HS3ST4: variants seen among roughly 807,000 people sequenced by gnomAD.
HS3ST4 encodes heparan sulfate glucosamine 3-O-sulfotransferase 4.
HS3ST4 carries 17 observed loss-of-function variants against 29.2 expected under a neutral mutation model. That is an observed-to-expected ratio of 0.58 (90% CI 0.40 to 0.87). HS3ST4 has a LOEUF of 0.87. HS3ST4 is among the 40% of genes least tolerant of loss of function. HS3ST4 has a pLI of 0.00. For missense variants in HS3ST4, 627 were observed against 634.5 expected (o/e 0.99, Z 0.13); for synonymous variants, 314 against 285.7 (o/e 1.10, Z -1.00).
chr16:26,128,879 C>T (rs980413926), intron 1 of HS3ST4, among the ~76,000 whole-genome samples: 3 of 152,180 alleles, frequency 2.0e-5, no homozygotes, highest in Non-Finnish European at 4.4e-5. Flanking sequence ...CCCTGCTTCA[C>T]CCCATGCCCT....
chr16:25,866,900 T>C (rs922644010), intron 1 of HS3ST4, among the ~76,000 whole-genome samples: 12 of 152,178 alleles, frequency 7.9e-5, no homozygotes, highest in African/African-American at 2.9e-4. Flanking sequence ...GGTTTATTCT[T>C]CCATGTACTG....
intron 1 of HS3ST4, among the ~76,000 whole-genome samples, chr16:26,084,445 G>T (rs950445437): frequency 7.9e-5 from 12 of 152,056 alleles, no homozygotes; most frequent in African/African-American, 2.9e-4. Flanking sequence ...TTTTCTTTCT[G>T]AATGCAAGTC....
intron 1 of HS3ST4, among the ~76,000 whole-genome samples, chr16:25,948,664 C>T (rs966416054): frequency 2.6e-5 from 4 of 152,088 alleles, no homozygotes; most frequent in African/African-American, 4.8e-5. Flanking sequence ...CCAGGCATTC[C>T]GTAAATGTTC....
intron 1 of HS3ST4, among the ~76,000 whole-genome samples, chr16:25,938,593 TA>T (rs929441358): frequency 1.5e-3 from 215 of 143,846 alleles, no homozygotes; most frequent in South Asian, 3.5e-3. Context: ...TCTATGGTAT[TA>T]AAAAAAAAAA....
intron 1 of HS3ST4, among the ~76,000 whole-genome samples, chr16:25,724,904 G>A (rs1001213201): frequency 4.3e-5 from 6 of 138,246 alleles, no homozygotes; most frequent in Non-Finnish European, 3.2e-5. Context: ...TGAAAACCTC[G>A]TCAAGTTTTT....
intron 1 of HS3ST4, chr16:25,887,064 C>T (rs1967961235): frequency 6.6e-6 from 1 of 151,776 alleles, no homozygotes; most frequent in Admixed American, 6.6e-5. Flanking sequence ...GATATACAGA[C>T]TAAAGGAGAG....
intron 1 of HS3ST4, among the ~76,000 whole-genome samples, chr16:25,787,990 C>T (rs1966860118): frequency 6.6e-6 from 1 of 152,108 alleles, no homozygotes; most frequent in Admixed American, 6.5e-5. Flanking sequence ...TGGCCTTGGA[C>T]ATTTGAACAG....
intron 1 of HS3ST4, among the ~76,000 whole-genome samples, chr16:26,105,416 G>T (rs948114141): frequency 1.1e-4 from 16 of 152,098 alleles, no homozygotes; most frequent in African/African-American, 3.9e-4. Flanking sequence ...CTGGGTGATT[G>T]GTTTATTCAT....
At chr16:26,012,950 G>T (rs1969324636) in intron 1 of HS3ST4, among the ~76,000 whole-genome samples, 1 of 152,066 alleles carries the variant, frequency 6.6e-6, no homozygotes, top group African/African-American at 2.4e-5. Flanking sequence ...AGATCACGAG[G>T]TCAAGAGATT....
Position 25,738,334 on chromosome 16 carries a change from C to G in HS3ST4, c.734+45183C>G, listed in dbSNP as rs528963994. Among the ~76,000 whole-genome samples, 12 of 152,314 alleles carry G rather than the reference C, an allele frequency of 7.9e-5. No individual in the cohort carries two copies. The South Asian group carries it at 2.5e-3, about 32-fold the overall frequency. On this transcript the variant is annotated intron_variant, in intron 1 of 1. Transcript: ENST00000331351. Reference sequence around the variant, plus strand: ...ATCAGCGCAGCTCTTACCTCTTTCCCCATCACTCCTTACATGCCAGGCACC... The same window carrying G: ...ATCAGCGCAGCTCTTACCTCTTTCCGCATCACTCCTTACATGCCAGGCACC...
At chr16:26,027,692 A>G (rs1431965913) in intron 1 of HS3ST4, among the ~76,000 whole-genome samples, 2 of 152,254 alleles carry the variant, frequency 1.3e-5, no homozygotes, top group Non-Finnish European at 2.9e-5. Context: ...CATGAAGCAC[A>G]TTATAAATAT....
At chr16:26,110,212 C>A (rs1447967418) in intron 1 of HS3ST4, among the ~76,000 whole-genome samples, 1 of 152,172 alleles carries the variant, frequency 6.6e-6, no homozygotes, top group Non-Finnish European at 1.5e-5. Flanking sequence ...CATGCTGTTA[C>A]AATGACAAGA....
chr16:25,917,527 C>T (rs1370377011), intron 1 of HS3ST4, among the ~76,000 whole-genome samples: 1 of 152,174 alleles, frequency 6.6e-6, no homozygotes, highest in Non-Finnish European at 1.5e-5. Context: ...TCTTTCTAAA[C>T]AGACCAGGAT....
chr16:26,080,756 A>G (rs1338518467), intron 1 of HS3ST4, among the ~76,000 whole-genome samples: 1 of 152,136 alleles, frequency 6.6e-6, no homozygotes, highest in Non-Finnish European at 1.5e-5. Flanking sequence ...TCCATTTTGC[A>G]TAAACCCAAC....
chr16:25,953,577 T>G (rs57722088), intron 1 of HS3ST4, among the ~76,000 whole-genome samples: 2,967 of 152,298 alleles, frequency 0.019, 81 homozygotes, highest in African/African-American at 0.067. Context: ...TTTCATTGCT[T>G]TCTCTGTCCT....
At position 26,072,553 on chromosome 16, in the gene HS3ST4, A is replaced by G. The variant is rs186523997; in HGVS notation, c.735-63059A>G. On this transcript the variant is annotated intron_variant, in intron 1 of 1. Coordinates refer to ENST00000331351, the MANE Select transcript of HS3ST4 (RefSeq NM_006040.3). ...CATTTTTATACATGATAGTCAGTATAGTGCAGTGGCTAAAGGTGTGTTTTT... is the reference window on the plus strand; with the variant it reads ...CATTTTTATACATGATAGTCAGTATGGTGCAGTGGCTAAAGGTGTGTTTTT... 2.8e-3 allele frequency among the ~76,000 whole-genome samples: 433 copies of G among 152,356 alleles called. 3 individuals are homozygous for G. Among genetic ancestry groups the G allele is most frequent in the African/African-American group, 0.01 (424 of 41,586 alleles).
At chr16:25,852,361 G>T (rs565604854) in intron 1 of HS3ST4, among the ~76,000 whole-genome samples, 4 of 151,980 alleles carry the variant, frequency 2.6e-5, no homozygotes, top group Non-Finnish European at 2.9e-5. Flanking sequence ...TGTTACATAG[G>T]TCAACGTGTG....
At chr16:25,807,196 A>T (rs1002024267) in intron 1 of HS3ST4, among the ~76,000 whole-genome samples, 1 of 151,882 alleles carries the variant, frequency 6.6e-6, no homozygotes, top group Non-Finnish European at 1.5e-5. Flanking sequence ...CTGGTCTCGA[A>T]CTCCTGACCT....
At chr16:25,778,710 G>T (rs556457776) in intron 1 of HS3ST4, among the ~76,000 whole-genome samples, 104 of 152,156 alleles carry the variant, frequency 6.8e-4, no homozygotes, top group Non-Finnish European at 9.9e-4. Context: ...AAGAGGAGGA[G>T]GAGAAGCAGG....
Sources: allele counts gnomAD v4.1 joint callset (sites outside exome capture counted in the v4.1 genomes callset), GRCh38; gene constraint gnomAD v4.1.1; transcripts MANE v1.5; gene names NCBI Gene and HGNC (gene_info 2026-07-23, HGNC 2026-07-21).